LYRM4: variants seen among roughly 807,000 people sequenced by gnomAD.
LYRM4 encodes LYR motif containing 4, also known as LYR motif-containing protein 4.
A neutral mutation model predicts 11.7 loss-of-function variants in LYRM4; 9 were observed. That is an observed-to-expected ratio of 0.77 (90% CI 0.46 to 1.34). LYRM4 has a LOEUF of 1.34. LYRM4 is among the 40% of genes most tolerant of loss of function. LYRM4 has a pLI of 0.00. For synonymous variants in LYRM4, 42 were observed against 40.4 expected (o/e 1.04, Z -0.15); for missense variants, 133 against 112.5 (o/e 1.18, Z -0.82).
At position 5,108,855 on chromosome 6, in the gene LYRM4, T is replaced by A; in HGVS notation, c.*568A>T. 3 of 986,836 alleles carry A rather than the reference T, an allele frequency of 3.0e-6. No individual in the cohort carries two copies. The highest frequency in any genetic ancestry group is 3.6e-6 in the Non-Finnish European group (3 of 830,752). The allele number at this position is 986,836 out of a possible 1,614,324, so 61.1% of individuals were successfully genotyped here. A position where few individuals can be genotyped will look rare whatever the true frequency, so the allele number is the denominator to read the frequency against. ...ACCCGTCACCTTTGTTGTACTGGGCTCAGGTATAAGTTGCAGGGTGCACCG... is the reference window on the plus strand; with the variant it reads ...ACCCGTCACCTTTGTTGTACTGGGCACAGGTATAAGTTGCAGGGTGCACCG... On this transcript the variant is annotated 3_prime_UTR_variant, in exon 3 of 3. Transcript: ENST00000330636.
intron 2 of LYRM4, among the ~76,000 whole-genome samples, chr6:5,112,728 G>A (rs1419905128): frequency 6.6e-6 from 1 of 152,218 alleles, no homozygotes; most frequent in South Asian, 2.1e-4. Context: ...GGACTAGAGG[G>A]ATCTAGAAGA....
chr6:5,123,615 A>G (rs560427647), intron 2 of LYRM4, among the ~76,000 whole-genome samples: 1 of 152,186 alleles, frequency 6.6e-6, no homozygotes, highest in Non-Finnish European at 1.5e-5. Context: ...TACTTAATAA[A>G]CTGCCCTCCT....
chr6:5,053,241 C>T, the LYRM4 span, among the ~76,000 whole-genome samples: 1 of 152,048 alleles, frequency 6.6e-6, no homozygotes, highest in Non-Finnish European at 1.5e-5. Flanking sequence ...TACTCTAAAT[C>T]AGGAAGTTCT....
intron 2 of LYRM4, among the ~76,000 whole-genome samples, chr6:5,130,607 C>T (rs538745170): frequency 6.6e-6 from 1 of 152,286 alleles, no homozygotes; most frequent in Admixed American, 6.5e-5. Context: ...AAACAAATGG[C>T]TGCTTCTAAA....
At chr6:5,077,355 C>T in the LYRM4 span, among the ~76,000 whole-genome samples, 1 of 152,156 alleles carries the variant, frequency 6.6e-6, no homozygotes, top group African/African-American at 2.4e-5. Flanking sequence ...GCTCTGTGGA[C>T]AGGGAAGTTG....
At chr6:5,237,595 T>G (rs1763625075) in intron 1 of LYRM4, among the ~76,000 whole-genome samples, 1 of 152,300 alleles carries the variant, frequency 6.6e-6, no homozygotes. Context: ...AACCAGTCCC[T>G]GGTGCCAAAA....
intron 1 of LYRM4, among the ~76,000 whole-genome samples, chr6:5,245,165 A>ATATAT (rs1764138638): frequency 1.0e-5 from 1 of 98,426 alleles, no homozygotes; most frequent in Non-Finnish European, 2.1e-5. Context: ...TATATATATA[A>ATATAT]AATAGGTGAA....
At chr6:5,086,678 G>A in the LYRM4 span, 1 of 835,408 alleles carries the variant, frequency 1.2e-6, no homozygotes, top group South Asian at 1.8e-5. Context: ...TGGCGTGAGG[G>A]GCGCGTGGAG....
chr6:5,123,086 C>T (rs1024117563), intron 2 of LYRM4, among the ~76,000 whole-genome samples: 3 of 152,186 alleles, frequency 2.0e-5, no homozygotes, highest in Non-Finnish European at 4.4e-5. Flanking sequence ...TCCTTTGTCT[C>T]CCCCCACCCA....
At chr6:5,116,300 T>G (rs456209) in intron 2 of LYRM4, among the ~76,000 whole-genome samples, 90,293 of 152,054 alleles carry the variant, frequency 0.59, 27,900 homozygotes, top group East Asian at 0.92. Context: ...GCAGAGGGTT[T>G]AAGGCTAGAA....
chr6:5,258,443 A>C (rs1468738653), intron 1 of LYRM4, among the ~76,000 whole-genome samples: 1 of 152,232 alleles, frequency 6.6e-6, no homozygotes, highest in African/African-American at 2.4e-5. Flanking sequence ...GTCAAAACAA[A>C]TGTGTTAATA....
chr6:5,085,492 C>G, the LYRM4 span: 1 of 1,534,784 alleles, frequency 6.5e-7, no homozygotes, highest in South Asian at 1.2e-5. Context: ...CGTCATGGAG[C>G]CCATAGGGGC....
At chr6:5,115,204 A>G (rs775574164) in intron 2 of LYRM4, among the ~76,000 whole-genome samples, 6 of 152,170 alleles carry the variant, frequency 3.9e-5, no homozygotes, top group Non-Finnish European at 5.9e-5. Context: ...TTTTTTCCTT[A>G]TAAAAGGTTT....
intron 1 of LYRM4, among the ~76,000 whole-genome samples, chr6:5,254,311 A>T (rs1764571988): frequency 6.6e-6 from 1 of 152,200 alleles, no homozygotes; most frequent in African/African-American, 2.4e-5. Flanking sequence ...AACTTTTTGT[A>T]GGGAAAACGC....
At position 5,176,479 on chromosome 6, in the gene LYRM4, C is replaced by T. The variant is rs544128322; in HGVS notation, c.207+40139G>A. ...TGCTACCAGTGATACTGTCTGTTAGCCTTTGCTGGGTTCTAAGCTTTACCT... is the reference window on the plus strand; with the variant it reads ...TGCTACCAGTGATACTGTCTGTTAGTCTTTGCTGGGTTCTAAGCTTTACCT... On this transcript the variant is annotated intron_variant, in intron 2 of 2. Coordinates refer to ENST00000330636, the MANE Select transcript of LYRM4 (RefSeq NM_020408.6). 1.8e-4 allele frequency among the ~76,000 whole-genome samples: 28 copies of T among 152,274 alleles called. No homozygotes were observed. In the South Asian group the frequency reaches 5.0e-3, roughly 27 times the overall value.
At chr6:5,112,168 C>T (rs73361308) in intron 2 of LYRM4, among the ~76,000 whole-genome samples, 17,788 of 152,246 alleles carry the variant, frequency 0.12, 1,192 homozygotes, top group African/African-American at 0.18. Context: ...TCGCGAAGCC[C>T]GTGCTCCTCT....
chr6:5,037,773 C>T, the LYRM4 span, among the ~76,000 whole-genome samples: 1 of 56,840 alleles, frequency 1.8e-5, no homozygotes, highest in African/African-American at 4.5e-5. Context: ...CGGGCAGAGG[C>T]GCCCCTCACC....
intron 2 of LYRM4, among the ~76,000 whole-genome samples, chr6:5,198,794 T>G (rs1368684582): frequency 3.3e-5 from 5 of 152,208 alleles, no homozygotes; most frequent in African/African-American, 1.2e-4. Flanking sequence ...AAAGGGTAAC[T>G]AGGTCAACGT....
chr6:5,074,326 A>G, the LYRM4 span, among the ~76,000 whole-genome samples: 1 of 151,968 alleles, frequency 6.6e-6, no homozygotes, highest in East Asian at 1.9e-4. Context: ...AATGGCAAAA[A>G]GTTGGTAAAA....
Sources: allele counts gnomAD v4.1 joint callset (sites outside exome capture counted in the v4.1 genomes callset), GRCh38; gene constraint gnomAD v4.1.1; transcripts MANE v1.5; gene names NCBI Gene and HGNC (gene_info 2026-07-23, HGNC 2026-07-21).